Variants in PYM1 observed in about 807,000 individuals in gnomAD.
PYM1 encodes the protein partner of Y14 and mago.
PYM1 carries 7 observed loss-of-function variants against 20.7 expected under a neutral mutation model. That is an observed-to-expected ratio of 0.34 (90% CI 0.19 to 0.64). PYM1 has a LOEUF of 0.64. PYM1 is among the 30% of genes least tolerant of loss of function. The pLI is 0.74. For missense variants in PYM1, 194 were observed against 250.0 expected, an observed-to-expected ratio of 0.78 and a Z score of 1.51; for synonymous variants, 100 against 99.2, an observed-to-expected ratio of 1.01 and a Z score of -0.05.
chr12:55,909,352 C>A (rs935176684), intron 1 of PYM1, among the ~76,000 whole-genome samples: 5 of 152,024 alleles, frequency 3.3e-5, no homozygotes, highest in African/African-American at 1.2e-4. Flanking sequence ...TTTCAGGCAA[C>A]GACAAATAGA....
Position 55,903,384 on chromosome 12 carries a change from T to A in PYM1, c.131+3A>T. 1 of 1,613,916 alleles carries A rather than the reference T, an allele frequency of 6.2e-7. No individual in the cohort carries two copies. The highest frequency in any genetic ancestry group is 8.5e-7 in the Non-Finnish European group (1 of 1,179,872). On this transcript the variant is annotated splice_donor_region_variant and intron_variant, in intron 2 of 2. Transcript: ENST00000408946. ...AACCCCTACGCAAAGCCTAACCACG[T>A]ACACTGGGACCTCCTCCTGGGGCAC...
chr12:55,926,380 G>A (rs978672149), intron 1 of PYM1, among the ~76,000 whole-genome samples: 3 of 152,194 alleles, frequency 2.0e-5, no homozygotes, highest in Non-Finnish European at 4.4e-5. Context: ...AGAAGGAATA[G>A]TGGGTTTTAT....
intron 1 of PYM1, among the ~76,000 whole-genome samples, chr12:55,905,168 ATT>A (rs779385773): frequency 2.2e-5 from 3 of 136,230 alleles, no homozygotes; most frequent in Non-Finnish European, 1.6e-5. Flanking sequence ...CACCTGGCTA[ATT>A]TTTTTTTTTT....
rs112332552 is a variant in PYM1 at position 55,917,278 on chromosome 12, G to A, written c.37+10447C>T. The stretch of plus-strand genomic sequence containing the variant: ...CTACTAAAAATAAAAAAAATTAGCC[G>A]GGCGTGGTGGTGGGTGCCTATAATC... On this transcript the variant is annotated intron_variant, in intron 1 of 2. Transcript: ENST00000408946. Among the ~76,000 whole-genome samples, 1,507 of 151,410 alleles carry A rather than the reference G, an allele frequency of 1.0e-2. 13 individuals are homozygous for A. Among genetic ancestry groups the A allele is most frequent in the Non-Finnish European group, 0.017 (1,158 of 67,846 alleles).
At chr12:55,912,950 G>A (rs1443284659) in intron 1 of PYM1, among the ~76,000 whole-genome samples, 1 of 151,404 alleles carries the variant, frequency 6.6e-6, no homozygotes, top group Non-Finnish European at 1.5e-5. Flanking sequence ...GGCAACAAGA[G>A]CAAAACTCCG....
rs756706521 is a variant in PYM1, at chr12:55,901,844, G to A, written c.*28C>T. 6.4e-5 allele frequency: 100 copies of A among 1,572,344 alleles called. 4 individuals carry two copies. The South Asian group carries it at 1.1e-3, about 18-fold the overall frequency. On this transcript the variant is annotated 3_prime_UTR_variant, in exon 3 of 3. Transcript: ENST00000408946. ...CCCAGAGAGCCCCACGGTTTGTTCT[G>A]CAGTCCATTCCCTATTCCCCAAAGG...
chr12:55,920,700 A>T lies in PYM1; in HGVS notation c.37+7025T>A, dbSNP rs59543488. ...CCTAAATGCCGAAAAAGATGCATGC[A>T]CAAAAACATTCTAGTGTTCTTATAA... On this transcript the variant is annotated intron_variant, in intron 1 of 2. Coordinates refer to ENST00000408946, the MANE Select transcript of PYM1 (RefSeq NM_032345.3). Among the ~76,000 whole-genome samples the T allele has an allele frequency of 8.7e-3, 1,322 of 152,234 alleles. 25 individuals are homozygous for T. Among genetic ancestry groups the T allele is most frequent in the African/African-American group, 0.03 (1,255 of 41,560 alleles).
chr12:55,911,042 T>A lies in PYM1; in HGVS notation c.38-7562A>T, dbSNP rs117579525. ...TCTTTAAAAGGTGCTAGACTTTTAGTTAACCTCTTCGGCATTGGGAGAGCC... is the reference window on the plus strand; with the variant it reads ...TCTTTAAAAGGTGCTAGACTTTTAGATAACCTCTTCGGCATTGGGAGAGCC... On this transcript the variant is annotated intron_variant, in intron 1 of 2. Transcript: ENST00000408946. Among the ~76,000 whole-genome samples, 131 of 152,292 alleles carry A rather than the reference T, an allele frequency of 8.6e-4. 1 individual carries two copies. The East Asian group carries it at 0.02, about 23-fold the overall frequency.
At chr12:55,914,423 A>G in intron 1 of PYM1, 1 of 695,530 alleles carries the variant, frequency 1.4e-6, no homozygotes, top group Non-Finnish European at 2.6e-6. Context: ...TCTTGCAGAG[A>G]GTCAAAAACT....
chr12:55,909,680 A>T (rs1382558390), intron 1 of PYM1, among the ~76,000 whole-genome samples: 4 of 152,082 alleles, frequency 2.6e-5, no homozygotes, highest in African/African-American at 9.7e-5. Flanking sequence ...AAACAGGGGC[A>T]CTGGAACGTA....
intron 1 of PYM1, among the ~76,000 whole-genome samples, chr12:55,922,445 C>CAAAAA (rs56355933): frequency 3.9e-4 from 34 of 86,200 alleles, no homozygotes; most frequent in South Asian, 2.7e-3. Context: ...CCATCTTTAC[C>CAAAAA]AAAAAAAAAA....
chr12:55,906,114 T>TTA (rs1023241983), intron 1 of PYM1, among the ~76,000 whole-genome samples: 1 of 150,442 alleles, frequency 6.6e-6, no homozygotes, highest in Non-Finnish European at 1.5e-5. Context: ...AAAATGATCA[T>TTA]TGGATAGTCA....
chr12:55,907,097 CAT>C (rs5798360), intron 1 of PYM1, among the ~76,000 whole-genome samples: 11,011 of 148,878 alleles, frequency 0.074, 644 homozygotes, highest in African/African-American at 0.16. Flanking sequence ...AGAAAGTTAA[CAT>C]ATATATATAT....
intron 1 of PYM1, among the ~76,000 whole-genome samples, chr12:55,922,728 C>A (rs1433256959): frequency 5.3e-5 from 8 of 152,100 alleles, no homozygotes; most frequent in Admixed American, 5.2e-4. Flanking sequence ...AAACACATAA[C>A]CCAAATCTAA....
chr12:55,927,343 A>G (rs778438111), intron 1 of PYM1: 1 of 742,746 alleles, frequency 1.3e-6, no homozygotes, highest in African/African-American at 1.7e-5. Flanking sequence ...GCTGCCTGTA[A>G]AACAGTCCTC....
In PYM1 at chr12:55,927,870, T is replaced by C. The variant is rs931045671; in HGVS notation, c.-109A>G. ...AAGTGATGAGGGCCCTAGTTGCTTC[T>C]CGCCCAGACCTCCTAACCCTGAGTG... On this transcript the variant is annotated 5_prime_UTR_variant, in exon 1 of 3. Transcript: ENST00000408946. 2.5e-5 allele frequency: 36 copies of C among 1,413,056 alleles called. No homozygotes were observed. In the African/African-American group the frequency reaches 4.7e-4, roughly 19 times the overall value. The allele number at this position is 1,413,056 out of a possible 1,614,324, so 87.5% of individuals were successfully genotyped here.
rs1262579379 is a variant in PYM1 at position 55,901,961 on chromosome 12, C to T, written c.526G>A (p.Val176Ile). 1 of 1,614,176 alleles carries T rather than the reference C, an allele frequency of 6.2e-7. No homozygotes were observed. Among genetic ancestry groups the T allele is most frequent in the East Asian group, 2.2e-5 (1 of 44,876 alleles). Residue 176 changes from valine to isoleucine, a missense_variant, in exon 3 of 3, where the codon GTC becomes ATC. Val to Ile is a conservative substitution (Grantham distance 29, BLOSUM62 3). Coordinates refer to ENST00000408946, the MANE Select transcript of PYM1 (RefSeq NM_032345.3). The stretch of plus-strand genomic sequence containing the variant: ...AGCTGCTCTTTGCTAGGCTGGCTGA[C>T]TTCCCCAGCCTGGATCCGCTGCTGC... ...ELQQRIQAGE[V>I]SQPSKEQLEK...
At chr12:55,911,438 A>C (rs1882921155) in intron 1 of PYM1, among the ~76,000 whole-genome samples, 2 of 152,240 alleles carry the variant, frequency 1.3e-5, no homozygotes, top group East Asian at 1.9e-4. Flanking sequence ...TTACAGATGC[A>C]GTTTCCCCTA....
chr12:55,907,097 C>CAT (rs5798360), intron 1 of PYM1, among the ~76,000 whole-genome samples: 1,858 of 149,058 alleles, frequency 0.012, 13 homozygotes, highest in Middle Eastern at 0.034. Context: ...AGAAAGTTAA[C>CAT]ATATATATAT....
Sources: allele counts gnomAD v4.1 joint callset (sites outside exome capture counted in the v4.1 genomes callset), GRCh38; gene constraint gnomAD v4.1.1; transcripts MANE v1.5; gene names NCBI Gene and HGNC (gene_info 2026-07-23, HGNC 2026-07-21).